MRPL3: variants seen among roughly 807,000 people sequenced by gnomAD.
MRPL3 encodes large ribosomal subunit protein uL3m.
In MRPL3, 43 loss-of-function variants were observed where a neutral mutation model predicts 44.3. That is an observed-to-expected ratio of 0.97 (90% CI 0.76 to 1.25). MRPL3 has a LOEUF of 1.25. Among genes scored for constraint, MRPL3 ranks in the 50% most tolerant of loss-of-function variants. MRPL3 has a pLI of 0.00. For synonymous variants in MRPL3, 171 were observed against 152.3 expected (o/e 1.12, Z -0.91); for missense variants, 406 against 427.6 (o/e 0.95, Z 0.45).
At chr3:131,488,734 A>G (rs1934184575) in intron 5 of MRPL3, 2 of 152,134 alleles carry the variant, frequency 1.3e-5, no homozygotes, top group Admixed American at 1.3e-4. Flanking sequence ...AAAGTGCTGT[A>G]AGATTGCAGG....
rs961023295 is a variant in MRPL3 at position 131,501,542 on chromosome 3, G to A, written c.266C>T (p.Pro89Leu). The change falls in exon 2 of 10, where the codon CCT becomes CTT. Residue 89 changes from proline to leucine, a missense_variant. Physicochemically the swap from Pro to Leu is moderately conservative, Grantham distance 98. Coordinates refer to ENST00000264995, the MANE Select transcript of MRPL3 (RefSeq NM_007208.4). The part of the protein sequence containing the change: ...PLKDEPWPIH[P>L]WEPGSFRVGL... ...TACAAAATAATCACCTGGTTCCCAA[G>A]GATGTATAGGCCATGGTTCATCTTT... 2.5e-6 allele frequency: 4 copies of A among 1,610,592 alleles called. No homozygotes were observed. Among genetic ancestry groups the A allele is most frequent in the Admixed American group, 1.7e-5 (1 of 59,750 alleles).
chr3:131,502,926 G>A lies in MRPL3; in HGVS notation c.-105C>T. 1 of 1,103,930 alleles carries A rather than the reference G, an allele frequency of 9.1e-7. No individual in the cohort carries two copies. The highest frequency in any genetic ancestry group is 2.6e-5 in the East Asian group (1 of 38,308). 68.4% of individuals were successfully genotyped at this position (1,103,930 alleles called of 1,614,324 possible). On this transcript the variant is annotated 5_prime_UTR_variant, in exon 1 of 10. Transcript: ENST00000264995. ...ACGTGGACGCAGTAGCCGTGGGGAA[G>A]TTTTCGCAATGGCCGCCGGAACGGT...
At chr3:131,491,623 T>C (rs1264835320) in intron 4 of MRPL3, among the ~76,000 whole-genome samples, 2 of 152,154 alleles carry the variant, frequency 1.3e-5, no homozygotes, top group Admixed American at 6.5e-5. Context: ...AAAAATCTTA[T>C]GGTCACCCTT....
At chr3:131,501,795 A>AT in intron 1 of MRPL3, 80 bp from the exon 2 acceptor site, 1 of 1,591,444 alleles carries the variant, frequency 6.3e-7, no homozygotes, top group Non-Finnish European at 8.5e-7. Flanking sequence ...GAAGTCACAA[A>AT]TTGGAAAGTG....
At chr3:131,465,284 G>A (rs1290374098) in intron 9 of MRPL3, among the ~76,000 whole-genome samples, 1 of 152,196 alleles carries the variant, frequency 6.6e-6, no homozygotes, top group Non-Finnish European at 1.5e-5. Flanking sequence ...ATTATCGATT[G>A]AGAGTGAATA....
At chr3:131,485,290 A>G (rs1447061816) in intron 6 of MRPL3, among the ~76,000 whole-genome samples, 1 of 152,222 alleles carries the variant, frequency 6.6e-6, no homozygotes, top group Admixed American at 6.5e-5. Flanking sequence ...TTGAAAAGCT[A>G]GACTCTAATC....
chr3:131,475,060 G>A (rs1202528525), intron 6 of MRPL3, among the ~76,000 whole-genome samples: 2 of 152,074 alleles, frequency 1.3e-5, no homozygotes, highest in African/African-American at 4.8e-5. Context: ...GGGATTACAG[G>A]TGTGAGCCAC....
intron 9 of MRPL3, among the ~76,000 whole-genome samples, chr3:131,464,869 G>A (rs1933565971): frequency 6.6e-6 from 1 of 152,206 alleles, no homozygotes; most frequent in South Asian, 2.1e-4. Context: ...TGTTAACAAA[G>A]TTGGCTGCCC....
chr3:131,469,993 A>G (rs1933705664), intron 7 of MRPL3, among the ~76,000 whole-genome samples: 1 of 152,164 alleles, frequency 6.6e-6, no homozygotes, highest in Non-Finnish European at 1.5e-5. Context: ...ATACAGACTA[A>G]GAAGCAGATT....
intron 6 of MRPL3, among the ~76,000 whole-genome samples, chr3:131,471,555 CA>C (rs1421327059): frequency 3.9e-5 from 6 of 152,232 alleles, no homozygotes; most frequent in African/African-American, 1.4e-4. Flanking sequence ...TTTATCTGAA[CA>C]GGAGTTTTAT....
chr3:131,479,673 G>A (rs1425618843), intron 6 of MRPL3, among the ~76,000 whole-genome samples: 4 of 152,040 alleles, frequency 2.6e-5, no homozygotes, highest in African/African-American at 9.7e-5. Context: ...GTGAAACCCC[G>A]TCTCTACTAA....
intron 3 of MRPL3, among the ~76,000 whole-genome samples, chr3:131,499,323 T>C (rs1336835451): frequency 6.6e-6 from 1 of 152,234 alleles, no homozygotes; most frequent in Non-Finnish European, 1.5e-5. Context: ...TTCTAGTTTG[T>C]TGGCGTTAAG....
At chr3:131,492,766 G>A (rs112053654) in intron 4 of MRPL3, among the ~76,000 whole-genome samples, 1 of 152,188 alleles carries the variant, frequency 6.6e-6, no homozygotes, top group Admixed American at 6.5e-5. Context: ...CCTGAAAGCA[G>A]AGACTTGCTT....
Position 131,469,718 on chromosome 3 carries a change from T to A in MRPL3, c.794A>T (p.Tyr265Phe). The A allele has an allele frequency of 3.1e-6, 5 of 1,612,006 alleles. No homozygotes were observed. The highest frequency in any genetic ancestry group is 3.4e-6 in the Non-Finnish European group (4 of 1,178,652). ...TKMPGKMGNI[Y>F]RTEYGLKVWR... Reference sequence around the variant, plus strand: ...TACTTTCAGTCCATATTCTGTCCTGTATATGTTTCCCATTTTTCCAGGCAT... The same window carrying A: ...TACTTTCAGTCCATATTCTGTCCTGAATATGTTTCCCATTTTTCCAGGCAT... The change falls in exon 8 of 10, where the codon TAC (tyrosine) becomes TTC (phenylalanine). Residue 265 changes from tyrosine to phenylalanine, a missense_variant. Tyr to Phe is a conservative substitution (Grantham distance 22). Transcript: ENST00000264995.
At position 131,500,423 on chromosome 3, in the gene MRPL3, C is replaced by T; in HGVS notation, c.369+7G>A. The T allele has an allele frequency of 2.5e-6, 4 of 1,609,038 alleles. No individual in the cohort carries two copies. Among genetic ancestry groups the T allele is most frequent in the Non-Finnish European group, 3.4e-6 (4 of 1,175,678 alleles). On this transcript the variant is annotated splice_region_variant and intron_variant, in intron 3 of 9. Coordinates refer to ENST00000264995, the MANE Select transcript of MRPL3 (RefSeq NM_007208.4). ...GATATCTCTTACGTCTTCTGTTTCT[C>T]TCTTACCTGAAGTAATGTGACCACA...
rs749153024 is a variant in MRPL3, at chr3:131,468,138, T to C, written c.847A>G (p.Ile283Val). ...VWRINTKHNI[I>V]YVNGSVPGHK... ...CCAGGTACAGAGCCATTTACATAGA[T>C]TATGTTGTGCTTTGTGTTTATTCTC... Residue 283 changes from isoleucine (I) to valine (V), a missense_variant, in exon 9 of 10, where the codon ATC (isoleucine) becomes GTC (valine). Ile to Val is a conservative substitution (Grantham distance 29). Transcript: ENST00000264995. 7 of 1,597,174 alleles carry C rather than the reference T, an allele frequency of 4.4e-6. No homozygotes were observed. The highest frequency in any genetic ancestry group is 6.0e-6 in the Non-Finnish European group (7 of 1,173,392).
In MRPL3 at chr3:131,494,003, T is replaced by C. The variant is rs1289619082; in HGVS notation, c.469-3923A>G. 2.0e-5 allele frequency among the ~76,000 whole-genome samples: 3 copies of C among 152,248 alleles called. No individual in the cohort carries two copies. The South Asian group carries it at 6.2e-4, about 31-fold the overall frequency. ...TTCAGTTTAAAATGTAAACCATTAG[T>C]ACTTATAACTTACTCAGTTGCCTAT... is the stretch of plus-strand genomic sequence containing the variant. On this transcript the variant is annotated intron_variant, in intron 4 of 9. Transcript: ENST00000264995.
At chr3:131,483,771 C>T (rs973673901) in intron 6 of MRPL3, among the ~76,000 whole-genome samples, 3 of 152,124 alleles carry the variant, frequency 2.0e-5, no homozygotes, top group Non-Finnish European at 4.4e-5. Flanking sequence ...ACAGATACTT[C>T]TCACACTATT....
At chr3:131,465,973 T>C (rs1252528704) in intron 9 of MRPL3, among the ~76,000 whole-genome samples, 1 of 150,688 alleles carries the variant, frequency 6.6e-6, no homozygotes, top group African/African-American at 2.4e-5. Flanking sequence ...CACAGCTCAC[T>C]GCAGCCTCCA....
Sources: gnomAD v4.1 joint callset for allele counts (sites outside exome capture counted in the v4.1 genomes callset) on GRCh38, gnomAD v4.1.1 for gene constraint, MANE v1.5 for transcripts, NCBI Gene and HGNC (gene_info 2026-07-23, HGNC 2026-07-21) for gene names.